GRIA1: variants seen among roughly 807,000 people sequenced by gnomAD.
The protein encoded by GRIA1 is glutamate receptor 1.
In GRIA1, 31 loss-of-function variants were observed where a neutral mutation model predicts 99.2. The observed-to-expected ratio is 0.31, with a 90% confidence interval of 0.23 to 0.42. The LOEUF (loss-of-function observed/expected upper bound fraction) is 0.42. GRIA1 is among the 10% of genes least tolerant of loss of function. GRIA1 has a pLI of 1.00. For synonymous variants in GRIA1, 438 were observed against 432.4 expected (o/e 1.01, Z -0.16); for missense variants, 782 against 1,157.5 (o/e 0.68, Z 4.71).
intron 2 of GRIA1, among the ~76,000 whole-genome samples, chr5:153,639,290 C>T (rs1007666715): frequency 1.3e-5 from 2 of 152,166 alleles, no homozygotes; most frequent in African/African-American, 2.4e-5. Flanking sequence ...CATGAAGTGC[C>T]GGATACCTTA....
intron 13 of GRIA1, among the ~76,000 whole-genome samples, chr5:153,793,904 C>T (rs1186316405): frequency 1.3e-5 from 2 of 152,192 alleles, no homozygotes. Flanking sequence ...TAAGCCTAAA[C>T]AGCAGTCATG....
chr5:153,741,150 G>C (rs573664820), intron 11 of GRIA1, among the ~76,000 whole-genome samples: 7 of 151,856 alleles, frequency 4.6e-5, no homozygotes, highest in African/African-American at 1.7e-4. Context: ...CTAATTTTTT[G>C]TATTTTTAGT....
chr5:153,721,444 G>A (rs1470839320), intron 11 of GRIA1, among the ~76,000 whole-genome samples: 1 of 152,094 alleles, frequency 6.6e-6, no homozygotes, highest in Non-Finnish European at 1.5e-5. Flanking sequence ...AATTTTCAGT[G>A]CCTGTGTAAT....
intron 2 of GRIA1, among the ~76,000 whole-genome samples, chr5:153,538,883 C>A (rs918045198): frequency 6.6e-6 from 1 of 152,192 alleles, no homozygotes; most frequent in Non-Finnish European, 1.5e-5. Context: ...AACTACCTTA[C>A]CTGTAACCTA....
intron 2 of GRIA1, among the ~76,000 whole-genome samples, chr5:153,624,985 T>G (rs1222690046): frequency 6.6e-6 from 1 of 152,220 alleles, no homozygotes; most frequent in African/African-American, 2.4e-5. Context: ...GCAGAGCTCC[T>G]GATCCATTCA....
Position 153,586,374 on chromosome 5 carries a change from C to A in GRIA1, c.221-60554C>A, listed in dbSNP as rs561522330. 1.1e-3 allele frequency among the ~76,000 whole-genome samples: 171 copies of A among 152,280 alleles called. 1 individual carries two copies. Among genetic ancestry groups the A allele is most frequent in the African/African-American group, 3.3e-3 (138 of 41,560 alleles). On this transcript the variant is annotated intron_variant, in intron 2 of 15. Transcript: ENST00000285900. The stretch of plus-strand genomic sequence containing the variant: ...TCGGTTAGGTAGGTGCTACTATTAT[C>A]CTCATTCACCGAGTAAGGAGACTAA...
At chr5:153,704,020 TA>T (rs892435642) in intron 10 of GRIA1, among the ~76,000 whole-genome samples, 1 of 152,222 alleles carries the variant, frequency 6.6e-6, no homozygotes, top group Non-Finnish European at 1.5e-5. Context: ...CAGTGGGTAT[TA>T]GGGGAAAAAA....
At chr5:153,595,718 A>G (rs982006699) in intron 2 of GRIA1, among the ~76,000 whole-genome samples, 4 of 148,812 alleles carry the variant, frequency 2.7e-5, no homozygotes, top group African/African-American at 7.3e-5. Flanking sequence ...TTATCTAAAA[A>G]GCAAGATATG....
intron 11 of GRIA1, among the ~76,000 whole-genome samples, chr5:153,708,711 G>A (rs1459772338): frequency 2.0e-5 from 3 of 152,152 alleles, no homozygotes; most frequent in Admixed American, 6.5e-5. Context: ...TGTTCACACT[G>A]ATTTGAAAGC....
intron 13 of GRIA1, among the ~76,000 whole-genome samples, chr5:153,781,965 G>A (rs1460627524): frequency 6.6e-6 from 1 of 152,068 alleles, no homozygotes; most frequent in Non-Finnish European, 1.5e-5. Context: ...GAGTAAAATG[G>A]GCCAGGGGTA....
At chr5:153,728,346 C>A (rs1309367668) in intron 11 of GRIA1, among the ~76,000 whole-genome samples, 1 of 145,340 alleles carries the variant, frequency 6.9e-6, no homozygotes, top group South Asian at 2.4e-4. Flanking sequence ...GTCTAAAACA[C>A]CAAAAGCAAT....
chr5:153,786,748 G>T (rs1363324452), intron 13 of GRIA1, among the ~76,000 whole-genome samples: 2 of 152,170 alleles, frequency 1.3e-5, no homozygotes, highest in East Asian at 3.9e-4. Flanking sequence ...AAGTGCTCAA[G>T]GGCAGATTCA....
chr5:153,807,084 T>C (rs1766481629), intron 15 of GRIA1, among the ~76,000 whole-genome samples: 1 of 152,244 alleles, frequency 6.6e-6, no homozygotes, highest in African/African-American at 2.4e-5. Context: ...AATGTAGCTC[T>C]ACCCTTCAGT....
intron 15 of GRIA1, among the ~76,000 whole-genome samples, chr5:153,802,695 C>A (rs932994294): frequency 1.3e-5 from 2 of 152,088 alleles, no homozygotes; most frequent in Non-Finnish European, 2.9e-5. Flanking sequence ...AGGCCAGACA[C>A]AAGGCCCAAG....
At chr5:153,537,482 C>T (rs1758688276) in intron 2 of GRIA1, among the ~76,000 whole-genome samples, 1 of 152,220 alleles carries the variant, frequency 6.6e-6, no homozygotes, top group Non-Finnish European at 1.5e-5. Flanking sequence ...TGTGCATCTC[C>T]TGCTCTCTGT....
At chr5:153,519,962 A>G (rs1581166673) in intron 2 of GRIA1, among the ~76,000 whole-genome samples, 1 of 152,288 alleles carries the variant, frequency 6.6e-6, no homozygotes, top group East Asian at 1.9e-4. Context: ...AAGGATTGTT[A>G]ATCTGTTAAT....
At chr5:153,656,913 T>C (rs939387910) in intron 5 of GRIA1, among the ~76,000 whole-genome samples, 2 of 152,182 alleles carry the variant, frequency 1.3e-5, no homozygotes, top group African/African-American at 4.8e-5. Flanking sequence ...TATCCGTATG[T>C]ATTTGCCTGT....
intron 2 of GRIA1, among the ~76,000 whole-genome samples, chr5:153,627,262 GAGC>G (rs758605781): frequency 1.2e-4 from 19 of 152,202 alleles, no homozygotes; most frequent in Non-Finnish European, 2.6e-4. Flanking sequence ...TTGATTCTCA[GAGC>G]AGCACCATTG....
At chr5:153,621,176 C>T (rs1767007623) in intron 2 of GRIA1, among the ~76,000 whole-genome samples, 1 of 152,156 alleles carries the variant, frequency 6.6e-6, no homozygotes, top group East Asian at 1.9e-4. Flanking sequence ...CTAAAGCTTT[C>T]TTGAGAGGCT....
Sources: gnomAD v4.1 joint callset for allele counts (sites outside exome capture counted in the v4.1 genomes callset) on GRCh38, gnomAD v4.1.1 for gene constraint, MANE v1.5 for transcripts, NCBI Gene and HGNC (gene_info 2026-07-23, HGNC 2026-07-21) for gene names.